The following ACSF3 variants were observed in gnomAD, a reference collection of about 807,000 sequenced individuals.
ACSF3 encodes acyl-CoA synthetase family member 3, also known as malonate--CoA ligase ACSF3, mitochondrial.
ACSF3 carries 78 observed loss-of-function variants against 53.2 expected under a neutral mutation model. That is an observed-to-expected ratio of 1.47 (90% CI 1.22 to 1.77). ACSF3 has a LOEUF of 1.77. ACSF3 is among the 40% of genes most tolerant of loss of function. ACSF3 has a pLI of 0.00. For synonymous variants in ACSF3, 414 were observed against 333.1 expected, an observed-to-expected ratio of 1.24 and a Z score of -2.65; for missense variants, 937 against 771.1, an observed-to-expected ratio of 1.22 and a Z score of -2.55.
chr16:89,102,559 CCA>C (rs764828984), intron 3 of ACSF3, 43 bp from the exon 4 acceptor site: 5 of 1,610,126 alleles, frequency 3.1e-6, no homozygotes, highest in East Asian at 2.2e-5. Context: ...CTGTTGCGGG[CCA>C]CAGTCTTGCT....
chr16:89,111,414 A>C (rs1015776254), intron 4 of ACSF3, among the ~76,000 whole-genome samples: 2 of 152,200 alleles, frequency 1.3e-5, no homozygotes, highest in Non-Finnish European at 2.9e-5. Context: ...TGTGGGCGAG[A>C]TCTGTCCTGT....
chr16:89,154,472 C>T lies in ACSF3; in HGVS notation c.*265C>T. 1.6e-6 allele frequency: 1 copy of T among 615,694 alleles called. No homozygotes were observed. The highest frequency in any genetic ancestry group is 3.0e-6 in the Non-Finnish European group (1 of 331,100). 38.1% of individuals were successfully genotyped at this position (615,694 alleles called of 1,614,324 possible). A position where few individuals can be genotyped will look rare whatever the true frequency, so the allele number is the denominator to read the frequency against. On this transcript the variant is annotated 3_prime_UTR_variant, in exon 11 of 11. Transcript: ENST00000614302. ...ATCTGTGCAGCGCGGTGCAGCCAGC[C>T]CCTGGCCCCACGTGCTGAGGCACCT...
At chr16:89,137,393 A>G (rs77824547) in intron 8 of ACSF3, among the ~76,000 whole-genome samples, 14,319 of 60,044 alleles carry the variant, frequency 0.24, 12 homozygotes, top group Non-Finnish European at 0.28. Context: ...GAAGAGCCCC[A>G]GGTCCCGGGA....
chr16:89,131,566 G>A (rs921883840), intron 7 of ACSF3, among the ~76,000 whole-genome samples: 2 of 152,142 alleles, frequency 1.3e-5, no homozygotes, highest in African/African-American at 4.8e-5. Context: ...TTTAATGTTA[G>A]GGATGAGATT....
At chr16:89,133,384 T>C in intron 8 of ACSF3, 122 bp downstream of exon 8, 5 of 1,332,008 alleles carry the variant, frequency 3.8e-6, no homozygotes, top group Non-Finnish European at 5.2e-6. Context: ...AGGCAGAAGA[T>C]GGGGTGGAGT....
At chr16:89,143,290 A>G (rs865886439) in intron 8 of ACSF3, among the ~76,000 whole-genome samples, 2 of 152,126 alleles carry the variant, frequency 1.3e-5, no homozygotes, top group Middle Eastern at 3.2e-3. Flanking sequence ...GAGCCAGGAC[A>G]CAGGCAGCTC....
chr16:89,118,171 G>A (rs1431363564), intron 6 of ACSF3, among the ~76,000 whole-genome samples: 3 of 151,018 alleles, frequency 2.0e-5, no homozygotes, highest in Non-Finnish European at 4.4e-5. Context: ...CCTGACGGCA[G>A]GTTCCCTCGG....
At chr16:89,102,812 CTG>C (rs1241320305) in intron 4 of ACSF3, 53 bp downstream of exon 4, 1 of 120,542 alleles carries the variant, frequency 8.3e-6, no homozygotes, top group East Asian at 8.1e-5. Flanking sequence ...CGCCTTTCCC[CTG>C]TCGGGGCCAG....
intron 6 of ACSF3, chr16:89,115,091 G>C (rs1306542048): frequency 9.2e-6 from 2 of 216,892 alleles, no homozygotes; most frequent in African/African-American, 4.6e-5. Context: ...CACAGCTGGG[G>C]GGCCACCCTG....
At position 89,098,779 on chromosome 16, in the gene ACSF3, G is replaced by A; in HGVS notation, c.-21+16G>A. The A allele has an allele frequency of 2.2e-6, 1 of 454,130 alleles. No homozygotes were observed. Among genetic ancestry groups the A allele is most frequent in the Non-Finnish European group, 4.4e-6 (1 of 226,784 alleles). The allele number at this position is 454,130 out of a possible 1,614,324, so 28.1% of individuals were successfully genotyped here. ...CGGGAGCTGGGTGAGTTTGAACTTGGCCTCCTTTGCTTTTCTGTGTGCGAA... is the reference window on the plus strand; with the variant it reads ...CGGGAGCTGGGTGAGTTTGAACTTGACCTCCTTTGCTTTTCTGTGTGCGAA... On this transcript the variant is annotated intron_variant, in intron 2 of 10. Transcript: ENST00000614302.
intron 10 of ACSF3, chr16:89,147,826 C>T (rs1418635635): frequency 1.3e-5 from 2 of 152,206 alleles, no homozygotes; most frequent in African/African-American, 4.8e-5. Flanking sequence ...TACAATCCTA[C>T]TTCCCAACAG....
intron 7 of ACSF3, among the ~76,000 whole-genome samples, chr16:89,124,578 A>G (rs1907563313): frequency 6.6e-6 from 1 of 151,958 alleles, no homozygotes; most frequent in South Asian, 2.1e-4. Context: ...ACCCATGCGC[A>G]CACTGTGTGT....
At chr16:89,136,427 G>A (rs946863933) in intron 8 of ACSF3, 6 of 1,004,838 alleles carry the variant, frequency 6.0e-6, no homozygotes, top group African/African-American at 3.4e-5. Flanking sequence ...TTTGTCACAG[G>A]CCATTAGCGA....
At chr16:89,097,380 G>T (rs72817431) in intron 1 of ACSF3, among the ~76,000 whole-genome samples, 6,182 of 152,324 alleles carry the variant, frequency 0.041, 183 homozygotes, top group East Asian at 0.13. Context: ...GTCGCCGGCC[G>T]TCCTAGTGCT....
intron 7 of ACSF3, among the ~76,000 whole-genome samples, chr16:89,127,669 G>A (rs1021637063): frequency 7.9e-5 from 12 of 151,956 alleles, no homozygotes; most frequent in Admixed American, 5.2e-4. Context: ...CCCTACCAAC[G>A]TTTCTTTTTT....
At chr16:89,121,414 C>T (rs1288137713) in intron 7 of ACSF3, among the ~76,000 whole-genome samples, 1 of 152,202 alleles carries the variant, frequency 6.6e-6, no homozygotes, top group Non-Finnish European at 1.5e-5. Flanking sequence ...CTGTGCAGTG[C>T]TCTGTGGCTG....
At chr16:89,104,563 T>A (rs959962309) in intron 4 of ACSF3, among the ~76,000 whole-genome samples, 3 of 152,206 alleles carry the variant, frequency 2.0e-5, no homozygotes, top group African/African-American at 7.2e-5. Flanking sequence ...AGGTGTGAAT[T>A]TCGCCAGGAA....
intron 6 of ACSF3, 190 bp downstream of exon 6, chr16:89,114,677 C>T (rs916241126): frequency 1.3e-6 from 1 of 799,606 alleles, no homozygotes; most frequent in Admixed American, 2.1e-5. Context: ...GATCAGCCTT[C>T]TCCCAAGTCT....
Position 89,101,270 on chromosome 16 carries a change from G to A in ACSF3, c.589G>A (p.Ala197Thr), listed in dbSNP as rs761573352. The A allele has an allele frequency of 4.4e-6, 7 of 1,601,166 alleles. No homozygotes were observed. Among genetic ancestry groups the A allele is most frequent in the African/African-American group, 2.7e-5 (2 of 74,690 alleles). Residue 197 changes from alanine (A) to threonine (T), a missense_variant, in exon 3 of 11, where the codon GCC becomes ACC. Physicochemically the swap from Ala to Thr is moderately conservative, Grantham distance 58. Coordinates refer to ENST00000614302, the MANE Select transcript of ACSF3 (RefSeq NM_001243279.3). ...AGAGCAGGGATGGAGGAACAAGGGC[G>A]CCATGATCATCTACACCAGTGGGAC... ...VPEQGWRNKG[A>T]MIIYTSGTTG...
Sources: allele counts gnomAD v4.1 joint callset (sites outside exome capture counted in the v4.1 genomes callset), GRCh38; gene constraint gnomAD v4.1.1; transcripts MANE v1.5; gene names NCBI Gene and HGNC (gene_info 2026-07-23, HGNC 2026-07-21).